Variants in ADAMTS16 observed in about 807,000 individuals in gnomAD.
The protein encoded by ADAMTS16 is A disintegrin and metalloproteinase with thrombospondin motifs 16.
ADAMTS16 carries 94 observed loss-of-function variants against 145.8 expected under a neutral mutation model. The observed-to-expected ratio is 0.64, with a 90% CI of 0.55 to 0.77. The LOEUF (loss-of-function observed/expected upper bound fraction) is 0.77, where lower values mean the gene tolerates loss of function less well. Ranked by LOEUF, ADAMTS16 falls within the 30% of genes least tolerant of loss-of-function variation. The probability of loss-of-function intolerance (pLI) is 0.00; values close to 1 mark genes in which losing one functional copy is unlikely to be tolerated. For synonymous variants in ADAMTS16, 659 were observed against 604.3 expected (o/e 1.09, Z -1.33); for missense variants, 1,585 against 1,591.5 (o/e 1.00, Z 0.07).
At chr5:5,227,975 G>T (rs1484723229) in intron 11 of ADAMTS16, among the ~76,000 whole-genome samples, 1 of 152,258 alleles carries the variant, frequency 6.6e-6, no homozygotes, top group Non-Finnish European at 1.5e-5. Flanking sequence ...TTGTTAAGTG[G>T]AAACGTAGGA....
intron 3 of ADAMTS16, among the ~76,000 whole-genome samples, chr5:5,168,592 A>G (rs1734949054): frequency 1.4e-5 from 1 of 73,386 alleles, no homozygotes; most frequent in Non-Finnish European, 2.9e-5. Flanking sequence ...ATTATATTAT[A>G]TATAATATAT....
chr5:5,199,994 G>T lies in ADAMTS16; in HGVS notation c.1314-138G>T, dbSNP rs551896526. The T allele has an allele frequency of 2.2e-4, 234 of 1,040,700 alleles. 4 individuals are homozygous for T. In the East Asian group the frequency reaches 6.3e-3, roughly 28 times the overall value. 64.5% of individuals were successfully genotyped at this position (1,040,700 alleles called of 1,614,324 possible). A position where few individuals can be genotyped will look rare whatever the true frequency, so the allele number is the denominator to read the frequency against. ...GAATATTCTTAACCAATTGGCAGTT[G>T]TGACTTTTATTTTTGCCTGCCTAGC... On this transcript the variant is annotated intron_variant, in intron 8 of 22. Coordinates refer to ENST00000274181, the MANE Select transcript of ADAMTS16 (RefSeq NM_139056.4).
intron 3 of ADAMTS16, among the ~76,000 whole-genome samples, chr5:5,163,125 T>A (rs1734785858): frequency 1.3e-5 from 2 of 152,182 alleles, no homozygotes. Context: ...GAATAGGTAT[T>A]GGGGCATTTT....
rs530698905 is a variant in ADAMTS16 at position 5,234,758 on chromosome 5, T to A, written c.1851-256T>A. On this transcript the variant is annotated intron_variant, in intron 12 of 22. Coordinates refer to ENST00000274181, the MANE Select transcript of ADAMTS16 (RefSeq NM_139056.4). The stretch of plus-strand genomic sequence containing the variant: ...GGTGGCGTGTGCCTATAGTCCCAGC[T>A]ACTCGAGAGGCTGAGGCAGGAGAAT... Among the ~76,000 whole-genome samples, 3 of 150,458 alleles carry A rather than the reference T, an allele frequency of 2.0e-5. No homozygotes were observed. In the South Asian group the frequency reaches 6.3e-4, roughly 32 times the overall value.
chr5:5,267,200 A>T (rs1416772763), intron 18 of ADAMTS16, among the ~76,000 whole-genome samples: 1 of 152,124 alleles, frequency 6.6e-6, no homozygotes, highest in East Asian at 1.9e-4. Flanking sequence ...AGCAACGTCT[A>T]AGGGTGAATG....
At chr5:5,180,471 G>A (rs1449617580) in intron 3 of ADAMTS16, among the ~76,000 whole-genome samples, 1 of 152,180 alleles carries the variant, frequency 6.6e-6, no homozygotes, top group Non-Finnish European at 1.5e-5. Context: ...AACTTGAGTA[G>A]TGCAGAGAGC....
intron 18 of ADAMTS16, among the ~76,000 whole-genome samples, chr5:5,296,652 G>A (rs1021647744): frequency 2.6e-5 from 4 of 152,100 alleles, no homozygotes; most frequent in East Asian, 3.8e-4. Flanking sequence ...AGCCAAGGCC[G>A]TTCAATTTCT....
Position 5,319,996 on chromosome 5 carries a change from G to A in ADAMTS16, c.*858G>A. The A allele has an allele frequency of 2.2e-6, 1 of 448,540 alleles. No homozygotes were observed. Among genetic ancestry groups the A allele is most frequent in the South Asian group, 1.6e-5 (1 of 62,910 alleles). 27.8% of individuals were successfully genotyped at this position (448,540 alleles called of 1,614,324 possible). A position where few individuals can be genotyped will look rare whatever the true frequency, so the allele number is the denominator to read the frequency against. ...CCCTACCATCCTGAGAAGAGTTATG[G>A]TTCTATTATAGCAGACGTCAGCCAC... On this transcript the variant is annotated 3_prime_UTR_variant, in exon 23 of 23. Transcript: ENST00000274181.
chr5:5,313,127 T>C (rs1290690925), intron 21 of ADAMTS16, among the ~76,000 whole-genome samples: 2 of 152,262 alleles, frequency 1.3e-5, no homozygotes, highest in African/African-American at 4.8e-5. Context: ...TACCACAAGC[T>C]GGCTGAAGTC....
chr5:5,239,784 G>T lies in ADAMTS16; in HGVS notation c.2382G>T (p.Arg794Ser), dbSNP rs768132825. ...TTTCTGTGCGCAATGCCCTCAGAAG[G>T]TACTACCTGAATGGGCACTGGACCG... ...SYISVRNALR[R>S]YYLNGHWTVD... Residue 794 changes from arginine (R) to serine (S), a missense_variant, in exon 16 of 23, where the codon AGG becomes AGT. Around this residue, in one of 3 missense-constraint regions of ADAMTS16, gnomAD observed 834 missense variants for 811.7 expected, o/e 1.03. Transcript: ENST00000274181. 2.5e-6 allele frequency: 4 copies of T among 1,614,114 alleles called. No homozygotes were observed. Among genetic ancestry groups the T allele is most frequent in the Admixed American group, 1.7e-5 (1 of 60,026 alleles).
intron 17 of ADAMTS16, among the ~76,000 whole-genome samples, chr5:5,251,022 C>G (rs1020143758): frequency 9.9e-5 from 15 of 152,094 alleles, no homozygotes; most frequent in African/African-American, 3.6e-4. Context: ...GGCCTCCTCC[C>G]CAGTGTCCTT....
intron 17 of ADAMTS16, among the ~76,000 whole-genome samples, chr5:5,244,601 C>T (rs1007320408): frequency 6.6e-6 from 1 of 152,214 alleles, no homozygotes; most frequent in Non-Finnish European, 1.5e-5. Context: ...TTACAGGTAA[C>T]TTGGTTCAAA....
intron 17 of ADAMTS16, among the ~76,000 whole-genome samples, chr5:5,261,106 T>G (rs2964399): frequency 0.44 from 66,540 of 152,010 alleles, 16,396 homozygotes; most frequent in African/African-American, 0.67. Flanking sequence ...TAATATTAAA[T>G]CAACACTGGC....
intron 2 of ADAMTS16, among the ~76,000 whole-genome samples, chr5:5,144,427 T>C (rs1734243102): frequency 6.6e-6 from 1 of 152,248 alleles, no homozygotes; most frequent in African/African-American, 2.4e-5. Flanking sequence ...TTTTAGAGTA[T>C]ATTTTTACAA....
At chr5:5,285,352 C>T (rs1389275720) in intron 18 of ADAMTS16, among the ~76,000 whole-genome samples, 2 of 152,212 alleles carry the variant, frequency 1.3e-5, no homozygotes, top group Non-Finnish European at 1.5e-5. Flanking sequence ...GCCACACTCT[C>T]CCAGTGGCCA....
At chr5:5,279,711 C>T (rs561561125) in intron 18 of ADAMTS16, among the ~76,000 whole-genome samples, 2 of 144,778 alleles carry the variant, frequency 1.4e-5, no homozygotes, top group East Asian at 4.1e-4. Context: ...AGGTTTTCTG[C>T]TTTTTGTTTT....
intron 18 of ADAMTS16, among the ~76,000 whole-genome samples, chr5:5,293,043 G>T (rs1404179306): frequency 1.3e-5 from 2 of 152,224 alleles, no homozygotes; most frequent in Non-Finnish European, 2.9e-5. Context: ...CAGTGACCCT[G>T]TGAGTCTAGG....
chr5:5,283,410 GT>G (rs1358828794), intron 18 of ADAMTS16, among the ~76,000 whole-genome samples: 1 of 152,230 alleles, frequency 6.6e-6, no homozygotes, highest in East Asian at 1.9e-4. Flanking sequence ...TGACAAATGT[GT>G]TTTTTAAAGT....
intron 17 of ADAMTS16, among the ~76,000 whole-genome samples, chr5:5,258,486 C>T (rs915820008): frequency 1.3e-5 from 2 of 152,234 alleles, no homozygotes; most frequent in Non-Finnish European, 2.9e-5. Flanking sequence ...CCTGGCACTC[C>T]GTGTTTTAAT....
Sources: gnomAD v4.1 joint callset for allele counts (sites outside exome capture counted in the v4.1 genomes callset) on GRCh38, gnomAD v4.1.1 for gene constraint, gnomAD v4.1.1 regional missense constraint, MANE v1.5 for transcripts, NCBI Gene and HGNC (gene_info 2026-07-23, HGNC 2026-07-21) for gene names.